FER1L6: variants seen among roughly 807,000 people sequenced by gnomAD.
The protein encoded by FER1L6 is fer-1 like family member 6.
Under a neutral mutation model 219.2 loss-of-function variants are expected in FER1L6, and 177 were observed. That is an observed-to-expected ratio of 0.81 (90% CI 0.71 to 0.91). FER1L6 has a LOEUF of 0.91. Among genes scored for constraint, FER1L6 ranks in the 40% least tolerant of loss-of-function variants. FER1L6 has a pLI of 0.00. For synonymous variants in FER1L6, 768 were observed against 824.3 expected (o/e 0.93, Z 1.17); for missense variants, 2,153 against 2,259.9 (o/e 0.95, Z 0.96).
intron 19 of FER1L6, among the ~76,000 whole-genome samples, chr8:124,037,378 A>G (rs1819267562): frequency 6.6e-6 from 1 of 152,230 alleles, no homozygotes; most frequent in African/African-American, 2.4e-5. Context: ...TCCCTGTGCC[A>G]TCTGCTGAAC....
In FER1L6 at chr8:123,978,256, T is replaced by A. The variant is rs369848716; in HGVS notation, c.1063+647T>A. ...TAAGGTCTATGGGCCAAATATGGCCTACTACATATTTTAGTATGGCCCATA... is the reference window on the plus strand; with the variant it reads ...TAAGGTCTATGGGCCAAATATGGCCAACTACATATTTTAGTATGGCCCATA... On this transcript the variant is annotated intron_variant, in intron 10 of 40. Coordinates refer to ENST00000522917, the MANE Select transcript of FER1L6 (RefSeq NM_001039112.2). 2.6e-4 allele frequency among the ~76,000 whole-genome samples: 39 copies of A among 152,340 alleles called. 1 individual carries two copies. The South Asian group carries it at 7.7e-3, about 30-fold the overall frequency.
At chr8:124,114,841 T>G (rs1489960434) in intron 39 of FER1L6, among the ~76,000 whole-genome samples, 1 of 148,832 alleles carries the variant, frequency 6.7e-6, no homozygotes, top group Non-Finnish European at 1.5e-5. Context: ...TATGTGGATG[T>G]AACTATATAT....
In FER1L6 at chr8:124,114,071, T is replaced by C. The variant is rs565669380; in HGVS notation, c.5290-4773T>C. Among the ~76,000 whole-genome samples, 35 of 152,298 alleles carry C rather than the reference T, an allele frequency of 2.3e-4. No homozygotes were observed. In the East Asian group the frequency reaches 6.2e-3, roughly 27 times the overall value. On this transcript the variant is annotated intron_variant, in intron 39 of 40. Transcript: ENST00000522917. ...AATTATTTCATTGGTTTTATAAAAA[T>C]TTTTCTAACCCTTCCTTACATCTGT...
intron 33 of FER1L6, among the ~76,000 whole-genome samples, chr8:124,090,359 T>C (rs1821977610): frequency 6.6e-6 from 1 of 152,234 alleles, no homozygotes; most frequent in Non-Finnish European, 1.5e-5. Flanking sequence ...GTTCTCACTC[T>C]GAAATTGGGG....
Position 124,086,727 on chromosome 8 carries a change from T to C in FER1L6, c.4391+4269T>C, listed in dbSNP as rs548406922. Among the ~76,000 whole-genome samples, 139 of 152,340 alleles carry C rather than the reference T, an allele frequency of 9.1e-4. 1 individual carries two copies. The highest frequency in any genetic ancestry group is 3.1e-3 in the African/African-American group (128 of 41,576). ...TTTCTTATTGATCATTAACATCCTT[T>C]TTCTCTCAGATTAAAAAACTTCTTT... On this transcript the variant is annotated intron_variant, in intron 33 of 40. Coordinates refer to ENST00000522917, the MANE Select transcript of FER1L6 (RefSeq NM_001039112.2).
intron 1 of FER1L6, among the ~76,000 whole-genome samples, chr8:123,878,434 T>C (rs1817047575): frequency 6.6e-6 from 1 of 152,214 alleles, no homozygotes; most frequent in African/African-American, 2.4e-5. Context: ...TGGCCCAAGC[T>C]TCTGACGTAC....
At chr8:123,968,279 A>G (rs2130237543) in intron 5 of FER1L6, among the ~76,000 whole-genome samples, 1 of 152,346 alleles carries the variant, frequency 6.6e-6, no homozygotes, top group East Asian at 1.9e-4. Context: ...GATCTAAATG[A>G]CGTTAAACTG....
intron 13 of FER1L6, among the ~76,000 whole-genome samples, chr8:124,003,592 C>G (rs1353084849): frequency 6.6e-6 from 1 of 151,396 alleles, no homozygotes; most frequent in African/African-American, 2.4e-5. Context: ...CCTCAGCCTC[C>G]CGAGTATCTG....
At chr8:124,002,809 C>A (rs1214701606) in intron 12 of FER1L6, among the ~76,000 whole-genome samples, 1 of 151,156 alleles carries the variant, frequency 6.6e-6, no homozygotes, top group Non-Finnish European at 1.5e-5. Context: ...AATGACGTAT[C>A]TATGATTCTT....
intron 1 of FER1L6, among the ~76,000 whole-genome samples, chr8:123,933,559 A>T (rs1813866594): frequency 6.6e-6 from 1 of 152,248 alleles, no homozygotes; most frequent in South Asian, 2.1e-4. Context: ...ATGTGCACAC[A>T]TGCACAGGTC....
In FER1L6 at chr8:124,082,475, C is replaced by A. The variant is rs370415365; in HGVS notation, c.4391+17C>A. On this transcript the variant is annotated intron_variant, in intron 33 of 40. Transcript: ENST00000522917. ...GTATGAGATGTAAGTTCTTTCTCCC[C>A]GGGAGACACTTGGTATTCTGAAGCT... 2 of 1,609,224 alleles carry A rather than the reference C, an allele frequency of 1.2e-6. No individual in the cohort carries two copies. Among genetic ancestry groups the A allele is most frequent in the South Asian group, 1.1e-5 (1 of 90,560 alleles).
At position 124,032,589 on chromosome 8, in the gene FER1L6, A is replaced by G. The variant is rs1819019551; in HGVS notation, c.2287-2688A>G. ...ACCTCCCAAAAAATCAATAAATACA[A>G]AACTATCCGGGCATGGTGGTGCCTG... On this transcript the variant is annotated intron_variant, in intron 18 of 40. Transcript: ENST00000522917. Among the ~76,000 whole-genome samples, 4 of 152,090 alleles carry G rather than the reference A, an allele frequency of 2.6e-5. No individual in the cohort carries two copies. In the South Asian group the frequency reaches 8.3e-4, roughly 32 times the overall value.
At chr8:124,047,317 C>T (rs112685005) in intron 21 of FER1L6, among the ~76,000 whole-genome samples, 356 of 152,284 alleles carry the variant, frequency 2.3e-3, no homozygotes, top group Non-Finnish European at 4.1e-3. Context: ...AACCTCTGAA[C>T]GCCTCATGCC....
intron 37 of FER1L6, among the ~76,000 whole-genome samples, chr8:124,100,025 C>T (rs771372623): frequency 6.6e-6 from 1 of 152,124 alleles, no homozygotes; most frequent in Non-Finnish European, 1.5e-5. Flanking sequence ...CTCTCATTGC[C>T]TCAGAACAGA....
chr8:124,049,558 C>T (rs1208027774), intron 21 of FER1L6, 49 bp from the exon 22 acceptor site: 1 of 1,597,012 alleles, frequency 6.3e-7, no homozygotes, highest in Admixed American at 1.7e-5. Context: ...GGATCAGAAC[C>T]AGGTAATTAA....
intron 33 of FER1L6, among the ~76,000 whole-genome samples, chr8:124,090,856 G>A (rs1038966265): frequency 1.3e-5 from 2 of 152,196 alleles, no homozygotes; most frequent in Non-Finnish European, 2.9e-5. Context: ...GTGGGGTAGG[G>A]AGAAGGGAGG....
intron 1 of FER1L6, among the ~76,000 whole-genome samples, chr8:123,907,228 C>T (rs972422578): frequency 6.6e-6 from 1 of 152,158 alleles, no homozygotes; most frequent in Non-Finnish European, 1.5e-5. Flanking sequence ...TAATCAGGCA[C>T]CCTAAAGAGG....
intron 1 of FER1L6, among the ~76,000 whole-genome samples, chr8:123,854,492 C>G (rs1816592293): frequency 1.3e-5 from 2 of 152,148 alleles, no homozygotes; most frequent in African/African-American, 4.8e-5. Flanking sequence ...TTCATTGCCA[C>G]AAAAGAGTCC....
Position 123,975,251 on chromosome 8 carries a change from G to C in FER1L6, c.628G>C (p.Gly210Arg). Residue 210 changes from glycine (G) to arginine (R), a missense_variant, in exon 8 of 41, where the codon GGT (glycine) becomes CGT (arginine). By Grantham distance (125) the Gly-to-Arg change is moderately radical. Transcript: ENST00000522917. ...LKCDISVMGK[G>R]DVLKTSPKTS... ...ATGTGACATCAGTGTCATGGGAAAAGGTGATGTCTTGAAGACCAGCCCTAA... is the reference window on the plus strand; with the variant it reads ...ATGTGACATCAGTGTCATGGGAAAACGTGATGTCTTGAAGACCAGCCCTAA... The C allele has an allele frequency of 6.2e-7, 1 of 1,613,500 alleles. No individual in the cohort carries two copies. The highest frequency in any genetic ancestry group is 8.5e-7 in the Non-Finnish European group (1 of 1,179,778).
Sources: allele counts gnomAD v4.1 joint callset (sites outside exome capture counted in the v4.1 genomes callset), GRCh38; gene constraint gnomAD v4.1.1; transcripts MANE v1.5; gene names NCBI Gene and HGNC (gene_info 2026-07-23, HGNC 2026-07-21).